Variants in BACH2 observed in about 807,000 individuals in gnomAD.
The protein encoded by BACH2 is BACH transcriptional regulator 2, also known as transcription regulator protein BACH2.
Under a neutral mutation model 61.8 loss-of-function variants are expected in BACH2, and 5 were observed. The observed-to-expected ratio is 0.08, with a 90% CI of 0.04 to 0.17. The LOEUF (loss-of-function observed/expected upper bound fraction) is 0.17, where lower values mean the gene tolerates loss of function less well. Ranked by LOEUF, BACH2 falls within the 10% of genes least tolerant of loss-of-function variation. The pLI is 1.00. For synonymous variants in BACH2, 446 were observed against 440.1 expected (o/e 1.01, Z -0.17); for missense variants, 824 against 1,091.1 (o/e 0.76, Z 3.45).
intron 3 of BACH2, chr6:90,217,976 T>C (rs1769595590): frequency 6.6e-6 from 1 of 152,174 alleles, no homozygotes; most frequent in African/African-American, 2.4e-5. Context: ...TTGTTTTACC[T>C]ACCGCAATTA....
In BACH2 at chr6:90,264,841, G is replaced by A. The variant is rs755585727; in HGVS notation, c.-353+7008C>T. On this transcript the variant is annotated intron_variant, in intron 2 of 8. Coordinates refer to ENST00000257749, the MANE Select transcript of BACH2 (RefSeq NM_021813.4). ...GGTTCCTGGGAAGTCTGGGAGACCC[G>A]TGAGAGGTTGGAGGTAGATTCAAAG... is the stretch of plus-strand genomic sequence containing the variant. Among the ~76,000 whole-genome samples the A allele has an allele frequency of 5.3e-5, 8 of 152,158 alleles. No homozygotes were observed. In the East Asian group the frequency reaches 5.8e-4, roughly 11 times the overall value.
intron 4 of BACH2, among the ~76,000 whole-genome samples, chr6:90,158,832 GTCCTCTCTCAGCAAATGAAAATA>G (rs1483825253): frequency 6.6e-6 from 1 of 151,544 alleles, no homozygotes; most frequent in East Asian, 1.9e-4. Context: ...GTGCCACAAA[GTCCTCTCTCAGCAAATGAAAATA>G]TGCTTCAGAA....
chr6:90,127,318 C>T (rs1373090886), intron 4 of BACH2, among the ~76,000 whole-genome samples: 1 of 152,208 alleles, frequency 6.6e-6, no homozygotes, highest in Admixed American at 6.5e-5. Context: ...GACGTGGACC[C>T]CCTTTTTGAG....
intron 6 of BACH2, among the ~76,000 whole-genome samples, chr6:90,006,136 T>C (rs1777392755): frequency 6.6e-6 from 1 of 152,218 alleles, no homozygotes. Context: ...TTTACTGCCT[T>C]GGTATTGTAT....
chr6:90,085,220 A>G (rs1781883629), intron 5 of BACH2, among the ~76,000 whole-genome samples: 1 of 152,186 alleles, frequency 6.6e-6, no homozygotes, highest in Non-Finnish European at 1.5e-5. Flanking sequence ...AACAGGCATC[A>G]TAATAATCAT....
intron 4 of BACH2, among the ~76,000 whole-genome samples, chr6:90,189,868 C>T (rs1768506475): frequency 6.6e-6 from 1 of 152,148 alleles, no homozygotes; most frequent in Non-Finnish European, 1.5e-5. Flanking sequence ...GAGACTATGG[C>T]AGTGAAAGAA....
At chr6:90,122,531 C>T (rs1347541555) in intron 4 of BACH2, among the ~76,000 whole-genome samples, 1 of 152,162 alleles carries the variant, frequency 6.6e-6, no homozygotes, top group Non-Finnish European at 1.5e-5. Context: ...GGGAAAGTGG[C>T]CCCAAATCTG....
intron 5 of BACH2, among the ~76,000 whole-genome samples, chr6:90,054,066 A>C (rs1033432434): frequency 2.6e-5 from 4 of 152,222 alleles, no homozygotes; most frequent in Non-Finnish European, 5.9e-5. Context: ...TGATTTCTGC[A>C]TTTCCAACTG....
At chr6:90,294,497 G>A (rs1469402912) in intron 1 of BACH2, among the ~76,000 whole-genome samples, 5 of 152,162 alleles carry the variant, frequency 3.3e-5, no homozygotes, top group Non-Finnish European at 5.9e-5. Flanking sequence ...AAAGTTTTGT[G>A]GTGAAATTAT....
intron 3 of BACH2, among the ~76,000 whole-genome samples, chr6:90,232,304 C>T (rs1770124669): frequency 3.3e-5 from 5 of 152,106 alleles, no homozygotes. Flanking sequence ...CAGGCTCAAC[C>T]CAAGATAGCC....
chr6:90,066,917 T>C (rs532764455), intron 5 of BACH2, among the ~76,000 whole-genome samples: 1 of 152,332 alleles, frequency 6.6e-6, no homozygotes, highest in South Asian at 2.1e-4. Context: ...GGACAGACCA[T>C]GAACACCACT....
Position 90,001,450 on chromosome 6 carries a change from C to T in BACH2, c.243+7152G>A, listed in dbSNP as rs1190699557. The T allele has an allele frequency of 2.0e-5, 3 of 152,340 alleles. No homozygotes were observed. In the East Asian group the frequency reaches 5.8e-4, roughly 29 times the overall value. 9.4% of individuals were successfully genotyped at this position (152,340 alleles called of 1,614,324 possible). ...ACCCACTGAGCCAGCCAGATCAGCC[C>T]AATCAACCTGGCGATGTTGGGGTGA... On this transcript the variant is annotated intron_variant, in intron 6 of 8. Coordinates refer to ENST00000257749, the MANE Select transcript of BACH2 (RefSeq NM_021813.4).
At chr6:90,176,139 A>G (rs1385312874) in intron 4 of BACH2, among the ~76,000 whole-genome samples, 2 of 152,150 alleles carry the variant, frequency 1.3e-5, no homozygotes, top group Non-Finnish European at 2.9e-5. Flanking sequence ...TGAATGTAAC[A>G]AATTTCTTCC....
intron 4 of BACH2, among the ~76,000 whole-genome samples, chr6:90,130,316 T>C (rs1054334725): frequency 1.3e-5 from 2 of 152,182 alleles, no homozygotes; most frequent in African/African-American, 4.8e-5. Flanking sequence ...ACAGGTGACC[T>C]AGGATACAGG....
At position 90,235,015 on chromosome 6, in the gene BACH2, T is replaced by A. The variant is rs115586782; in HGVS notation, c.-275+17498A>T. On this transcript the variant is annotated intron_variant, in intron 3 of 8. Coordinates refer to ENST00000257749, the MANE Select transcript of BACH2 (RefSeq NM_021813.4). ...CCAACTGGGGCACCCATCATCATAGTCAGCAACCTGACCTAAAGATAGCTC... is the reference window on the plus strand; with the variant it reads ...CCAACTGGGGCACCCATCATCATAGACAGCAACCTGACCTAAAGATAGCTC... 5.0e-3 allele frequency among the ~76,000 whole-genome samples: 757 copies of A among 152,332 alleles called. 5 individuals carry two copies. The highest frequency in any genetic ancestry group is 0.017 in the African/African-American group (722 of 41,586).
intron 7 of BACH2, among the ~76,000 whole-genome samples, chr6:89,944,927 T>C (rs1562313444): frequency 6.6e-6 from 1 of 152,132 alleles, no homozygotes; most frequent in Non-Finnish European, 1.5e-5. Flanking sequence ...TTTCTATAAT[T>C]TCCAACATCT....
intron 1 of BACH2, among the ~76,000 whole-genome samples, chr6:90,294,023 C>G (rs1428568263): frequency 2.0e-5 from 3 of 152,198 alleles, no homozygotes; most frequent in Non-Finnish European, 4.4e-5. Flanking sequence ...TCCCCTCCCT[C>G]TCTTTCACCT....
chr6:90,129,329 ATTTC>A (rs759381503), intron 4 of BACH2, among the ~76,000 whole-genome samples: 13 of 152,116 alleles, frequency 8.5e-5, no homozygotes, highest in African/African-American at 2.2e-4. Flanking sequence ...TCTGTCACAT[ATTTC>A]TTTTTCTTCT....
Position 89,951,579 on chromosome 6 carries a change from G to C in BACH2, c.527C>G (p.Ala176Gly). 2 of 1,614,084 alleles carry C rather than the reference G, an allele frequency of 1.2e-6. No individual in the cohort carries two copies. Among genetic ancestry groups the C allele is most frequent in the Non-Finnish European group, 1.7e-6 (2 of 1,180,036 alleles). Reference protein sequence around the residue: ...EEEETMDSETAKMACPRDQML... With the variant: ...EEEETMDSETGKMACPRDQML... ...CTGGTCCCTGGGGCAAGCCATCTTG[G>C]CCGTCTCTGAATCCATCGTCTCCTC... is the stretch of plus-strand genomic sequence containing the variant. Residue 176 changes from alanine (A) to glycine (G), a missense_variant, in exon 7 of 9, where the codon GCC becomes GGC. Coordinates refer to ENST00000257749, the MANE Select transcript of BACH2 (RefSeq NM_021813.4). This position sits in a 1 kb window ranked among gnomAD's most constrained non-coding sequence, Gnocchi z 6.4.
Sources: allele counts gnomAD v4.1 joint callset (sites outside exome capture counted in the v4.1 genomes callset), GRCh38; gene constraint gnomAD v4.1.1; non-coding constraint Gnocchi (gnomAD v3.1); transcripts MANE v1.5; gene names NCBI Gene and HGNC (gene_info 2026-07-23, HGNC 2026-07-21).